The following SPTAN1 variants were observed in gnomAD, a reference collection of about 807,000 sequenced individuals.
SPTAN1 encodes the protein spectrin alpha, non-erythrocytic 1, also known as spectrin alpha chain, non-erythrocytic 1.
SPTAN1 carries 61 observed loss-of-function variants against 331.3 expected under a neutral mutation model. That is an observed-to-expected ratio of 0.18 (90% CI 0.15 to 0.23). The LOEUF (loss-of-function observed/expected upper bound fraction) is 0.23, where lower values mean the gene tolerates loss of function less well. Among genes scored for constraint, SPTAN1 ranks in the 10% least tolerant of loss-of-function variants. SPTAN1 has a pLI of 1.00. For missense variants in SPTAN1, 2,043 were observed against 3,147.9 expected, an observed-to-expected ratio of 0.65 and a Z score of 8.40; for synonymous variants, 1,153 against 1,173.9, an observed-to-expected ratio of 0.98 and a Z score of 0.36.
At chr9:128,580,272 C>A (rs1454597619) in intron 10 of SPTAN1, among the ~76,000 whole-genome samples, 42 of 150,406 alleles carry the variant, frequency 2.8e-4, no homozygotes, top group Admixed American at 2.8e-3. Flanking sequence ...CAGAGTGAGA[C>A]CCTGTCTCTA....
chr9:128,619,903 C>T (rs1857629940), intron 44 of SPTAN1, among the ~76,000 whole-genome samples: 1 of 152,234 alleles, frequency 6.6e-6, no homozygotes, highest in African/African-American at 2.4e-5. Flanking sequence ...GTCCTTCACG[C>T]TCCTGCATTC....
rs560385756 is a variant in SPTAN1 at position 128,552,975 on chromosome 9, A to G, written c.-4+279A>G. ...GCGCGAGGCCGCCGGGTCCCTCCCA[A>G]CCACCCCCAAGCCTGGCTGCGGCGC... On this transcript the variant is annotated intron_variant, in intron 1 of 56. Coordinates refer to ENST00000372739, the MANE Select transcript of SPTAN1 (RefSeq NM_001130438.3). This position sits in a 1 kb window ranked among gnomAD's most constrained non-coding sequence, Gnocchi z 4.6. 3.6e-3 allele frequency: 548 copies of G among 152,278 alleles called. 3 individuals carry two copies. The highest frequency in any genetic ancestry group is 7.9e-3 in the Admixed American group (121 of 15,288). 9.4% of individuals were successfully genotyped at this position (152,278 alleles called of 1,614,324 possible).
chr9:128,560,015 G>A (rs1476505948), intron 1 of SPTAN1, among the ~76,000 whole-genome samples: 1 of 151,658 alleles, frequency 6.6e-6, no homozygotes, highest in African/African-American at 2.4e-5. Flanking sequence ...GATTACAGGT[G>A]TGAGCCACCC....
intron 37 of SPTAN1, 67 bp downstream of exon 37, chr9:128,609,732 A>G (rs888945164): frequency 2.9e-6 from 3 of 1,017,540 alleles, no homozygotes; most frequent in East Asian, 2.7e-5. Flanking sequence ...CTCTGCGTAG[A>G]TTATTGTTAT....
chr9:128,607,079 C>A (rs1855990634), intron 31 of SPTAN1, among the ~76,000 whole-genome samples: 1 of 152,198 alleles, frequency 6.6e-6, no homozygotes, highest in Non-Finnish European at 1.5e-5. Context: ...CAGTTTTGTG[C>A]CCTTGTGGTT....
chr9:128,628,279 G>A (rs536942346), intron 51 of SPTAN1: 94 of 441,048 alleles, frequency 2.1e-4, no homozygotes, highest in African/African-American at 1.6e-3. Context: ...CCAGCCACCG[G>A]GCTCTGTTGG....
intron 55 of SPTAN1, 22 bp from the exon 56 acceptor site, chr9:128,632,786 C>T: frequency 6.2e-7 from 1 of 1,614,074 alleles, no homozygotes; most frequent in Non-Finnish European, 8.5e-7. Context: ...CCTGCTCAGG[C>T]TCTTGCTTCC....
chr9:128,567,021 A>T, intron 2 of SPTAN1, 44 bp downstream of exon 2: 1 of 1,612,430 alleles, frequency 6.2e-7, no homozygotes, highest in Non-Finnish European at 8.5e-7. Flanking sequence ...TCAAGAGCCC[A>T]AATGTTCTTA....
At chr9:128,582,016 A>C in intron 12 of SPTAN1, 124 bp downstream of exon 12, 1 of 757,546 alleles carries the variant, frequency 1.3e-6, no homozygotes, top group Non-Finnish European at 2.3e-6. Flanking sequence ...GTGGGTGCTT[A>C]AACTTTCACA....
intron 1 of SPTAN1, among the ~76,000 whole-genome samples, chr9:128,561,876 T>G (rs917999462): frequency 1.3e-5 from 2 of 151,892 alleles, no homozygotes; most frequent in Admixed American, 6.6e-5. Flanking sequence ...TATAATTGGA[T>G]CTATAATATG....
chr9:128,605,405 G>T lies in SPTAN1; in HGVS notation c.3974G>T (p.Gly1325Val), dbSNP rs886043530. 1 of 1,614,188 alleles carries T rather than the reference G, an allele frequency of 6.2e-7. No homozygotes were observed. Reference protein sequence around the residue: ...TELNQAWSSLGKRADQRKAKL... With the variant: ...TELNQAWSSLVKRADQRKAKL... ...TTAAACCAGGCCTGGAGCAGCCTGG[G>T]GAAACGTGCAGATCAGCGCAAGGCA... Residue 1325 changes from glycine to valine, a missense_variant, in exon 31 of 57, where the codon GGG becomes GTG. By Grantham distance (109) the Gly-to-Val change is moderately radical. This residue lies in a region of SPTAN1 where 179 missense variants were observed against 215.7 expected (regional missense o/e 0.83). Coordinates refer to ENST00000372739, the MANE Select transcript of SPTAN1 (RefSeq NM_001130438.3).
intron 43 of SPTAN1, 136 bp downstream of exon 43, chr9:128,618,244 T>G: frequency 7.4e-7 from 1 of 1,353,506 alleles, no homozygotes. Context: ...ATAGTCGGTT[T>G]GCTCCAGAGC....
intron 3 of SPTAN1, among the ~76,000 whole-genome samples, chr9:128,572,355 C>T (rs1850826078): frequency 6.6e-6 from 1 of 152,218 alleles, no homozygotes; most frequent in Non-Finnish European, 1.5e-5. Context: ...CCTGCCCACT[C>T]ACGCTCTCAA....
intron 27 of SPTAN1, among the ~76,000 whole-genome samples, chr9:128,602,120 C>T (rs924711401): frequency 2.6e-5 from 4 of 151,560 alleles, no homozygotes; most frequent in Non-Finnish European, 5.9e-5. Flanking sequence ...TATAAACACA[C>T]GGGTTGAAAA....
chr9:128,552,768 G>T lies in SPTAN1; in HGVS notation c.-4+72G>T, dbSNP rs1238082858. The T allele has an allele frequency of 1.3e-5, 2 of 151,900 alleles. No homozygotes were observed. The highest frequency in any genetic ancestry group is 2.9e-5 in the Non-Finnish European group (2 of 68,048). The allele number at this position is 151,900 out of a possible 1,614,324, so 9.4% of individuals were successfully genotyped here. A position where few individuals can be genotyped will look rare whatever the true frequency, so the allele number is the denominator to read the frequency against. ...CAGCCGACCCCCGGGTGGGAGCTGG[G>T]CAGCTCTTCAGGCGGGGCGGGGCCG... On this transcript the variant is annotated intron_variant, in intron 1 of 56. Coordinates refer to ENST00000372739, the MANE Select transcript of SPTAN1 (RefSeq NM_001130438.3). The surrounding 1 kb of genome is among the most constrained non-coding windows in gnomAD (Gnocchi z 4.6).
chr9:128,583,858 A>G lies in SPTAN1; in HGVS notation c.2082A>G (p.Leu694=). 1 of 1,614,228 alleles carries G rather than the reference A, an allele frequency of 6.2e-7. No homozygotes were observed. The highest frequency in any genetic ancestry group is 8.5e-7 in the Non-Finnish European group (1 of 1,180,044). The change falls in exon 16 of 57, where the codon CTA becomes CTG. Residue 694 remains leucine (L), a synonymous_variant. Transcript: ENST00000372739. Reference sequence around the variant, plus strand: ...ATGTTGAGGATATTGAATTGTGGCTATATGAAGTAGAAGGTCACTTGGCTT... The same window carrying G: ...ATGTTGAGGATATTGAATTGTGGCTGTATGAAGTAGAAGGTCACTTGGCTT... ...NRNVEDIELW[L]YEVEGHLASD...
intron 28 of SPTAN1, 67 bp downstream of exon 28, chr9:128,603,657 C>T: frequency 6.4e-7 from 1 of 1,572,514 alleles, no homozygotes; most frequent in Non-Finnish European, 8.8e-7. Flanking sequence ...TCCCTGTCTA[C>T]AGCAGAGCTC....
chr9:128,608,377 G>A (rs903558696), intron 34 of SPTAN1, 101 bp downstream of exon 34: 76 of 1,424,946 alleles, frequency 5.3e-5, no homozygotes, highest in East Asian at 3.2e-4. Flanking sequence ...GAATACCTGC[G>A]TTGTCTAAGA....
At chr9:128,617,258 A>C (rs1489244712) in intron 41 of SPTAN1, among the ~76,000 whole-genome samples, 2 of 151,864 alleles carry the variant, frequency 1.3e-5, no homozygotes, top group African/African-American at 4.8e-5. Context: ...AAAAGTGTGT[A>C]TATATGTATA....
Sources: allele counts gnomAD v4.1 joint callset (sites outside exome capture counted in the v4.1 genomes callset), GRCh38; gene constraint gnomAD v4.1.1; regional missense constraint gnomAD v4.1.1; non-coding constraint Gnocchi (gnomAD v3.1); transcripts MANE v1.5; gene names NCBI Gene and HGNC (gene_info 2026-07-23, HGNC 2026-07-21).